The following CNTRL variants were observed in gnomAD, a reference collection of about 807,000 sequenced individuals.
CNTRL encodes centriolin.
In CNTRL, 233 loss-of-function variants were observed where a neutral mutation model predicts 303.7. The observed-to-expected ratio is 0.77, with a 90% CI of 0.69 to 0.86. The LOEUF is 0.86. CNTRL is among the 40% of genes least tolerant of loss of function. The pLI, the probability that CNTRL is intolerant of heterozygous loss-of-function variation, is 0.00. For synonymous variants in CNTRL, 900 were observed against 922.2 expected (o/e 0.98, Z 0.44); for missense variants, 2,524 against 2,650.6 (o/e 0.95, Z 1.05).
chr9:121,169,185 G>T (rs1030849294), intron 38 of CNTRL, among the ~76,000 whole-genome samples: 1 of 152,244 alleles, frequency 6.6e-6, no homozygotes, highest in African/African-American at 2.4e-5. Context: ...GCTCATGCCA[G>T]TGTAGGAGCC....
At chr9:121,163,191 T>A (rs115573482) in intron 34 of CNTRL, among the ~76,000 whole-genome samples, 3,466 of 54,362 alleles carry the variant, frequency 0.064, 121 homozygotes, top group African/African-American at 0.12. Flanking sequence ...AAAAAAAAAA[T>A]AATAATAAAA....
chr9:121,075,173 T>G (rs1233454330), intron 1 of CNTRL, 106 bp downstream of exon 1: 1 of 340,474 alleles, frequency 2.9e-6, no homozygotes, highest in Non-Finnish European at 5.8e-6. Flanking sequence ...TGGGCCGGCT[T>G]GGGATGGATT....
Position 121,145,353 on chromosome 9 carries a change from G to T in CNTRL, c.3278G>T (p.Arg1093Met). The T allele has an allele frequency of 6.2e-7, 1 of 1,613,904 alleles. No individual in the cohort carries two copies. Among genetic ancestry groups the T allele is most frequent in the Non-Finnish European group, 8.5e-7 (1 of 1,179,922 alleles). Residue 1093 changes from arginine to methionine, a missense_variant, in exon 22 of 44, where the codon AGG (arginine) becomes ATG (methionine). Physicochemically the swap from Arg to Met is moderately conservative, Grantham distance 91 (BLOSUM62 -1). Coordinates refer to ENST00000373855, the MANE Select transcript of CNTRL (RefSeq NM_007018.6). ...TMERQRTEIA[R>M]LQNVLDLTGS... Reference sequence around the variant, plus strand: ...GAACGACAAAGGACAGAGATTGCAAGGCTGCAGAATGTACTAGACCTCACT... The same window carrying T: ...GAACGACAAAGGACAGAGATTGCAATGCTGCAGAATGTACTAGACCTCACT...
rs138845072 is a variant in CNTRL, at chr9:121,174,998, A to C, written c.6748-20A>C. The stretch of plus-strand genomic sequence containing the variant: ...TACATTTCTTCTGTGTAAAACCCTA[A>C]GTCTTATCACACTTTTCAGGCCCAA... On this transcript the variant is annotated intron_variant, in intron 42 of 43. Coordinates refer to ENST00000373855, the MANE Select transcript of CNTRL (RefSeq NM_007018.6). 14 of 1,608,692 alleles carry C rather than the reference A, an allele frequency of 8.7e-6. No homozygotes were observed. In the African/African-American group the frequency reaches 1.9e-4, roughly 21 times the overall value.
chr9:121,137,007 T>C (rs2051235234), intron 15 of CNTRL, among the ~76,000 whole-genome samples: 2 of 152,152 alleles, frequency 1.3e-5, no homozygotes, highest in South Asian at 4.1e-4. Flanking sequence ...AAGGTATTTG[T>C]ATTCTAGGCA....
chr9:121,114,315 A>G (rs1210973256), intron 10 of CNTRL, among the ~76,000 whole-genome samples: 2 of 152,218 alleles, frequency 1.3e-5, no homozygotes, highest in African/African-American at 4.8e-5. Flanking sequence ...TGGATATGGA[A>G]GAAAGAGAAC....
At chr9:121,075,336 A>T (rs758329843) in intron 1 of CNTRL, among the ~76,000 whole-genome samples, 48 of 151,804 alleles carry the variant, frequency 3.2e-4, no homozygotes, top group Non-Finnish European at 5.2e-4. Flanking sequence ...GAGTGTGGGG[A>T]GGTGTGGAAG....
intron 16 of CNTRL, 41 bp downstream of exon 16, chr9:121,138,720 AC>A (rs770978694): frequency 6.3e-7 from 1 of 1,596,676 alleles, no homozygotes; most frequent in Non-Finnish European, 8.6e-7. Context: ...TACACAGAAC[AC>A]CCAAAGATGA....
chr9:121,151,194 TC>T (rs1482476694), intron 25 of CNTRL, among the ~76,000 whole-genome samples: 1 of 152,152 alleles, frequency 6.6e-6, no homozygotes, highest in Non-Finnish European at 1.5e-5. Flanking sequence ...ATTCTGTTTT[TC>T]CTACTTAATG....
At chr9:121,087,089 G>A (rs1261996723) in intron 2 of CNTRL, among the ~76,000 whole-genome samples, 2 of 152,320 alleles carry the variant, frequency 1.3e-5, no homozygotes, top group East Asian at 3.9e-4. Flanking sequence ...TAGAGTGCGT[G>A]AGAGTGAAAA....
chr9:121,151,318 C>T (rs1484741595), intron 25 of CNTRL, among the ~76,000 whole-genome samples: 1 of 148,310 alleles, frequency 6.7e-6, no homozygotes, highest in African/African-American at 2.5e-5. Flanking sequence ...TACTGTATCT[C>T]TTAGGCTAGA....
intron 14 of CNTRL, among the ~76,000 whole-genome samples, chr9:121,127,609 A>G (rs1291138712): frequency 2.6e-5 from 4 of 151,922 alleles, no homozygotes; most frequent in Non-Finnish European, 1.5e-5. Context: ...CTATTTTAAC[A>G]CATTTGCTTT....
chr9:121,100,012 C>T (rs1003175018), intron 7 of CNTRL, among the ~76,000 whole-genome samples: 23 of 152,166 alleles, frequency 1.5e-4, no homozygotes, highest in Non-Finnish European at 4.4e-5. Flanking sequence ...AGAACTTCCC[C>T]AACCTAGCAA....
intron 23 of CNTRL, among the ~76,000 whole-genome samples, chr9:121,146,599 C>A (rs1056611230): frequency 6.6e-6 from 1 of 152,166 alleles, no homozygotes; most frequent in African/African-American, 2.4e-5. Flanking sequence ...GTCCTTTTAA[C>A]GAACATTCAT....
intron 25 of CNTRL, chr9:121,152,195 C>T: frequency 6.5e-6 from 2 of 310,006 alleles, no homozygotes; most frequent in Non-Finnish European, 1.2e-5. Context: ...GGAGAGACTT[C>T]TGTCTATCTC....
chr9:121,078,875 T>A (rs1287405889), intron 1 of CNTRL, among the ~76,000 whole-genome samples: 1 of 152,222 alleles, frequency 6.6e-6, no homozygotes, highest in Non-Finnish European at 1.5e-5. Context: ...CCACACCCTC[T>A]CTGGGTGGAT....
At chr9:121,148,067 A>AAAAAC (rs2051988130) in intron 23 of CNTRL, among the ~76,000 whole-genome samples, 1 of 152,190 alleles carries the variant, frequency 6.6e-6, no homozygotes, top group Non-Finnish European at 1.5e-5. Flanking sequence ...GGATGAGGTT[A>AAAAAC]AAAACAAAAC....
In CNTRL at chr9:121,172,554, T is replaced by C. The variant is rs376050536; in HGVS notation, c.6418-689T>C. On this transcript the variant is annotated intron_variant, in intron 40 of 43. Coordinates refer to ENST00000373855, the MANE Select transcript of CNTRL (RefSeq NM_007018.6). ...TATTCGGGAGGCTGAGGGGGGAGGA[T>C]TGCTTGAGCCTGGGAGGTTGAGACT... 3.9e-5 allele frequency among the ~76,000 whole-genome samples: 6 copies of C among 152,102 alleles called. No homozygotes were observed. The East Asian group carries it at 1.2e-3, about 29-fold the overall frequency.
rs2049550334 is a variant in CNTRL at position 121,107,809 on chromosome 9, A to G, written c.816A>G (p.Val272=). ...EAFERFSLEE[V]ERLERDLEKK... is the part of the protein sequence containing the mutation. ...TTAAATTTTCATTGGCAGAAGAGGT[A>G]GAAAGACTGGAAAGAGACCTAGAAA... The change falls in exon 8 of 44, where the codon GTA becomes GTG. Residue 272 remains valine (V), a synonymous_variant. Transcript: ENST00000373855. The G allele has an allele frequency of 6.4e-7, 1 of 1,561,186 alleles. No homozygotes were observed. The highest frequency in any genetic ancestry group is 8.6e-7 in the Non-Finnish European group (1 of 1,159,192).
Sources: gnomAD v4.1 joint callset for allele counts (sites outside exome capture counted in the v4.1 genomes callset) on GRCh38, gnomAD v4.1.1 for gene constraint, MANE v1.5 for transcripts, NCBI Gene and HGNC (gene_info 2026-07-23, HGNC 2026-07-21) for gene names.